The following MTDH variants were observed in gnomAD, a reference collection of about 807,000 sequenced individuals.
The protein encoded by MTDH is metadherin, also known as protein LYRIC.
MTDH carries 34 observed loss-of-function variants against 72.7 expected under a neutral mutation model. The observed-to-expected ratio is 0.47, with a 90% CI of 0.36 to 0.62. The LOEUF (loss-of-function observed/expected upper bound fraction) is 0.62, where lower values mean the gene tolerates loss of function less well. Among genes scored for constraint, MTDH ranks in the 20% least tolerant of loss-of-function variants. MTDH has a pLI of 0.00. For synonymous variants in MTDH, 266 were observed against 268.9 expected (o/e 0.99, Z 0.10); for missense variants, 677 against 699.4 (o/e 0.97, Z 0.36).
intron 10 of MTDH, among the ~76,000 whole-genome samples, chr8:97,721,390 T>G (rs1815117406): frequency 6.6e-6 from 1 of 151,864 alleles, no homozygotes; most frequent in African/African-American, 2.4e-5. Context: ...TTGCAGTGAA[T>G]GAAGATCACA....
intron 2 of MTDH, among the ~76,000 whole-genome samples, chr8:97,680,266 T>C (rs1813019255): frequency 6.6e-6 from 1 of 152,096 alleles, no homozygotes. Flanking sequence ...GAGACACAGT[T>C]TTGCCGTGTT....
At chr8:97,710,859 G>A (rs1814601834) in intron 8 of MTDH, among the ~76,000 whole-genome samples, 1 of 151,966 alleles carries the variant, frequency 6.6e-6, no homozygotes, top group Non-Finnish European at 1.5e-5. Flanking sequence ...AATTAGCCGG[G>A]CATGGTGGTG....
At chr8:97,694,035 T>C (rs1276565154) in intron 6 of MTDH, among the ~76,000 whole-genome samples, 2 of 152,294 alleles carry the variant, frequency 1.3e-5, no homozygotes, top group Non-Finnish European at 2.9e-5. Flanking sequence ...TTTTTAAATC[T>C]AGTTATACTT....
At chr8:97,649,398 A>G (rs988481917) in intron 1 of MTDH, among the ~76,000 whole-genome samples, 5 of 152,074 alleles carry the variant, frequency 3.3e-5, no homozygotes, top group African/African-American at 1.2e-4. Flanking sequence ...TTGAAGCCCA[A>G]CCCTGATCAT....
At chr8:97,660,923 ACT>A (rs1812151624) in intron 1 of MTDH, 147 bp from the exon 2 acceptor site, 2 of 394,648 alleles carry the variant, frequency 5.1e-6, no homozygotes, top group Non-Finnish European at 9.4e-6. Flanking sequence ...TAATCTATCA[ACT>A]CTTAGATAAC....
chr8:97,651,846 T>C (rs75385948), intron 1 of MTDH, among the ~76,000 whole-genome samples: 10,157 of 152,252 alleles, frequency 0.067, 499 homozygotes, highest in Non-Finnish European at 0.098. Context: ...CAGAACCTAT[T>C]ATTTCTTGCC....
chr8:97,719,319 C>G, intron 10 of MTDH, 130 bp downstream of exon 10: 2 of 847,896 alleles, frequency 2.4e-6, no homozygotes, highest in Non-Finnish European at 3.6e-6. Context: ...ATAGTGAAAC[C>G]CCGTCTCTAC....
intron 2 of MTDH, among the ~76,000 whole-genome samples, chr8:97,665,068 T>G (rs894782789): frequency 6.6e-5 from 10 of 152,156 alleles, no homozygotes; most frequent in African/African-American, 2.4e-4. Context: ...GGCCTGCCTT[T>G]CCTTATAAAG....
At chr8:97,693,040 C>T (rs764540789) in intron 6 of MTDH, among the ~76,000 whole-genome samples, 46 of 151,726 alleles carry the variant, frequency 3.0e-4, no homozygotes, top group Non-Finnish European at 2.4e-4. Context: ...CCATGTTTTG[C>T]GGTTATTTCT....
At chr8:97,661,681 G>C (rs1422843250) in intron 2 of MTDH, among the ~76,000 whole-genome samples, 1 of 152,128 alleles carries the variant, frequency 6.6e-6, no homozygotes, top group Non-Finnish European at 1.5e-5. Context: ...TATGGCTCAT[G>C]CCTGTAATCC....
chr8:97,679,308 A>G (rs1812975599), intron 2 of MTDH, among the ~76,000 whole-genome samples: 1 of 152,196 alleles, frequency 6.6e-6, no homozygotes, highest in African/African-American at 2.4e-5. Context: ...TATCTCACCC[A>G]TGGTAATAAC....
Position 97,725,378 on chromosome 8 carries a change from A to T in MTDH, c.*708A>T, listed in dbSNP as rs963976722. 1.3e-5 allele frequency: 2 copies of T among 152,554 alleles called. No individual in the cohort carries two copies. Among genetic ancestry groups the T allele is most frequent in the Non-Finnish European group, 2.9e-5 (2 of 68,020 alleles). 9.5% of individuals were successfully genotyped at this position (152,554 alleles called of 1,614,324 possible). Reference sequence around the variant, plus strand: ...AAATTAAGAAAAGTGAACTATATGTATTTGTTTTATACATTTAAGGCTTAG... The same window carrying T: ...AAATTAAGAAAAGTGAACTATATGTTTTTGTTTTATACATTTAAGGCTTAG... On this transcript the variant is annotated 3_prime_UTR_variant, in exon 12 of 12. Transcript: ENST00000336273.
At chr8:97,670,952 G>GT (rs1160758851) in intron 2 of MTDH, among the ~76,000 whole-genome samples, 7,574 of 78,036 alleles carry the variant, frequency 0.097, 643 homozygotes, top group Non-Finnish European at 0.11. Context: ...TGTTGTTGTT[G>GT]TTTTTTTTTT....
At chr8:97,653,991 A>G (rs188915721) in intron 1 of MTDH, among the ~76,000 whole-genome samples, 124 of 152,298 alleles carry the variant, frequency 8.1e-4, no homozygotes, top group Middle Eastern at 6.8e-3. Flanking sequence ...TTCAGAAATC[A>G]TCTTTGGCAT....
intron 8 of MTDH, among the ~76,000 whole-genome samples, chr8:97,709,181 G>A (rs564146379): frequency 1.4e-5 from 2 of 144,744 alleles, no homozygotes; most frequent in African/African-American, 5.2e-5. Context: ...ACAACATAGC[G>A]AGACTCCATC....
At chr8:97,663,418 A>G (rs112127418) in intron 2 of MTDH, among the ~76,000 whole-genome samples, 4 of 152,054 alleles carry the variant, frequency 2.6e-5, no homozygotes, top group African/African-American at 7.2e-5. Context: ...TCTAGTAGGG[A>G]CAGCTTATTG....
At chr8:97,673,021 C>T (rs1013466384) in intron 2 of MTDH, among the ~76,000 whole-genome samples, 2 of 152,094 alleles carry the variant, frequency 1.3e-5, no homozygotes, top group African/African-American at 2.4e-5. Context: ...TAGGTAGACA[C>T]GGCTGTATGT....
intron 2 of MTDH, among the ~76,000 whole-genome samples, chr8:97,677,529 G>C (rs1403045525): frequency 6.6e-6 from 1 of 151,578 alleles, no homozygotes; most frequent in African/African-American, 2.4e-5. Flanking sequence ...AAAGAAAAAG[G>C]AAGTGGACAC....
rs1270400778 is a variant in MTDH at position 97,644,194 on chromosome 8, T to C, written c.-313T>C. On this transcript the variant is annotated 5_prime_UTR_variant, in exon 1 of 12. Transcript: ENST00000336273. ...CGTGGATCGCGGCCCAAGCCGCCAT[T>C]GTTCCGCCGAGGGAGGACAGCGGGG... 6.0e-6 allele frequency: 2 copies of C among 334,896 alleles called. No individual in the cohort carries two copies. Among genetic ancestry groups the C allele is most frequent in the Non-Finnish European group, 1.1e-5 (2 of 183,930 alleles). The allele number at this position is 334,896 out of a possible 1,614,324, so 20.7% of individuals were successfully genotyped here.
Sources: gnomAD v4.1 joint callset for allele counts (sites outside exome capture counted in the v4.1 genomes callset) on GRCh38, gnomAD v4.1.1 for gene constraint, MANE v1.5 for transcripts, NCBI Gene and HGNC (gene_info 2026-07-23, HGNC 2026-07-21) for gene names.